PRIM2: variants seen among roughly 807,000 people sequenced by gnomAD.
The protein encoded by PRIM2 is DNA primase large subunit.
Under a neutral mutation model 67.3 loss-of-function variants are expected in PRIM2, and 39 were observed. That is an observed-to-expected ratio of 0.58 (90% CI 0.45 to 0.76). The LOEUF (loss-of-function observed/expected upper bound fraction) is 0.76. Among genes scored for constraint, PRIM2 ranks in the 30% least tolerant of loss-of-function variants. The pLI is 0.00. For missense variants in PRIM2, 398 were observed against 598.7 expected (o/e 0.66, Z 3.50); for synonymous variants, 143 against 198.7 (o/e 0.72, Z 2.36).
At chr6:57,569,023 C>T (rs1290511699) in intron 10 of PRIM2, among the ~76,000 whole-genome samples, 4 of 152,232 alleles carry the variant, frequency 2.6e-5, no homozygotes, top group Non-Finnish European at 4.4e-5. Context: ...ATTGCTATTG[C>T]ACCAAAGTTA....
At chr6:57,627,202 C>T (rs1388642508) in intron 12 of PRIM2, among the ~76,000 whole-genome samples, 2 of 129,952 alleles carry the variant, frequency 1.5e-5, no homozygotes, top group African/African-American at 5.7e-5. Context: ...ATCACTTGAA[C>T]CCGGGAGGTG....
intron 7 of PRIM2, among the ~76,000 whole-genome samples, chr6:57,446,194 A>G (rs1772357108): frequency 6.6e-6 from 1 of 151,956 alleles, no homozygotes; most frequent in African/African-American, 2.4e-5. Context: ...AAACTTTAGC[A>G]TTCTGGCCCT....
the PRIM2 span, among the ~76,000 whole-genome samples, chr6:57,262,320 G>T: frequency 6.6e-6 from 1 of 152,140 alleles, no homozygotes; most frequent in Admixed American, 6.5e-5. Flanking sequence ...TCTGCCAGTT[G>T]TCTTTTTTTT....
chr6:57,286,773 T>G, the PRIM2 span, among the ~76,000 whole-genome samples: 1 of 152,158 alleles, frequency 6.6e-6, no homozygotes, highest in African/African-American at 2.4e-5. Flanking sequence ...CTAAATAAAC[T>G]AATAAGCTTC....
intron 7 of PRIM2, 31 bp downstream of exon 7, chr6:57,382,199 C>T: frequency 6.2e-7 from 1 of 1,604,730 alleles, no homozygotes; most frequent in Non-Finnish European, 8.5e-7. Context: ...CTGTATCTGA[C>T]ATGTTCACAC....
the PRIM2 span, chr6:57,222,232 AGCAGCTCC>A: frequency 6.6e-6 from 1 of 152,438 alleles, no homozygotes; most frequent in African/African-American, 2.4e-5. Flanking sequence ...GTGGCTCAGC[AGCAGCTCC>A]GCCGGGGGTG....
intron 10 of PRIM2, among the ~76,000 whole-genome samples, chr6:57,571,387 T>C (rs1170070058): frequency 6.6e-6 from 1 of 152,144 alleles, no homozygotes; most frequent in African/African-American, 2.4e-5. Flanking sequence ...TGGTGGCTCA[T>C]GCTTATAATC....
rs1554348347 is a variant in PRIM2, at chr6:57,517,019, C to G, written c.761+9565C>G. Among the ~76,000 whole-genome samples the G allele has an allele frequency of 5.1e-4, 78 of 152,214 alleles. 1 individual carries two copies. Among genetic ancestry groups the G allele is most frequent in the African/African-American group, 1.8e-3 (76 of 41,548 alleles). On this transcript the variant is annotated intron_variant, in intron 8 of 13. Coordinates refer to ENST00000615550, the MANE Select transcript of PRIM2 (RefSeq NM_000947.5). The stretch of plus-strand genomic sequence containing the variant: ...CCAGAGATTGTAGATTTCCCTTAGT[C>G]CTCTGACTCCAAAGTTTCTCAGGAA...
chr6:57,336,774 A>T (rs771465888), intron 5 of PRIM2, among the ~76,000 whole-genome samples: 5 of 152,358 alleles, frequency 3.3e-5, no homozygotes, highest in Non-Finnish European at 2.9e-5. Context: ...CGTAAAGACC[A>T]TTGAAATTAG....
At chr6:57,633,705 C>G (rs1339907047) in intron 13 of PRIM2, among the ~76,000 whole-genome samples, 2 of 152,110 alleles carry the variant, frequency 1.3e-5, no homozygotes, top group East Asian at 3.9e-4. Flanking sequence ...TAGATAATCA[C>G]GAGAAGCACG....
chr6:57,610,620 C>T (rs1221930999), intron 12 of PRIM2, among the ~76,000 whole-genome samples: 1 of 151,590 alleles, frequency 6.6e-6, no homozygotes, highest in African/African-American at 2.4e-5. Flanking sequence ...TCCTCTCCTC[C>T]CCGAAAAGAG....
chr6:57,531,716 CCA>C, intron 8 of PRIM2, among the ~76,000 whole-genome samples: 1 of 152,192 alleles, frequency 6.6e-6, no homozygotes. Flanking sequence ...GTTTGAGTTC[CCA>C]CTGCACTGCT....
intron 7 of PRIM2, among the ~76,000 whole-genome samples, chr6:57,489,424 G>A (rs1274305584): frequency 2.0e-5 from 3 of 152,280 alleles, no homozygotes; most frequent in African/African-American, 7.2e-5. Flanking sequence ...GGGCGTGGTG[G>A]TGGGCACCTG....
At chr6:57,519,996 G>A (rs1554348725) in intron 8 of PRIM2, among the ~76,000 whole-genome samples, 149,927 of 152,318 alleles carry the variant, frequency 0.98, 73,800 homozygotes, top group East Asian at 1. Flanking sequence ...ACAAAACCAG[G>A]AACAAAACTG....
chr6:57,541,838 C>A (rs1775161728), intron 10 of PRIM2, among the ~76,000 whole-genome samples: 1 of 152,118 alleles, frequency 6.6e-6, no homozygotes, highest in Admixed American at 6.6e-5. Flanking sequence ...GTAGGGCAAT[C>A]TGCTTTACTT....
intron 5 of PRIM2, among the ~76,000 whole-genome samples, chr6:57,335,202 G>A (rs1422432400): frequency 2.0e-5 from 3 of 152,254 alleles, no homozygotes; most frequent in Non-Finnish European, 2.9e-5. Context: ...ACCTGGCTCG[G>A]AGGGTCCTAC....
At chr6:57,634,556 T>G (rs1285058269) in intron 13 of PRIM2, among the ~76,000 whole-genome samples, 3 of 152,412 alleles carry the variant, frequency 2.0e-5, no homozygotes, top group Admixed American at 6.5e-5. Context: ...GAGTTTTAAT[T>G]TCCTATTGTT....
rs1244473833 is a variant in PRIM2 at position 57,645,320 on chromosome 6, TTCAC to T, written c.1300-607_1300-604del. ...TGTGCCTCACTAACATACAATGTCA[TTCAC>T]ACACACACACACACACACACACACA... On this transcript the variant is annotated intron_variant, in intron 13 of 13. Coordinates refer to ENST00000615550, the MANE Select transcript of PRIM2 (RefSeq NM_000947.5). 9.9e-5 allele frequency among the ~76,000 whole-genome samples: 7 copies of T among 70,996 alleles called. No individual in the cohort carries two copies. The East Asian group carries it at 2.7e-3, about 27-fold the overall frequency. 46.6% of individuals were successfully genotyped at this position (70,996 alleles called of 152,430 possible). A position where few individuals can be genotyped will look rare whatever the true frequency, so the allele number is the denominator to read the frequency against.
At chr6:57,569,399 C>T (rs1166915762) in intron 10 of PRIM2, among the ~76,000 whole-genome samples, 4 of 152,202 alleles carry the variant, frequency 2.6e-5, no homozygotes, top group Admixed American at 2.6e-4. Context: ...TTAACAGTAA[C>T]TGGCATTTGT....
Sources: gnomAD v4.1 joint callset for allele counts (sites outside exome capture counted in the v4.1 genomes callset) on GRCh38, gnomAD v4.1.1 for gene constraint, MANE v1.5 for transcripts, NCBI Gene and HGNC (gene_info 2026-07-23, HGNC 2026-07-21) for gene names.